BTBD9: variants seen among roughly 807,000 people sequenced by gnomAD.
The protein encoded by BTBD9 is BTB domain containing 9, also known as BTB/POZ domain-containing protein 9.
A neutral mutation model predicts 64.3 loss-of-function variants in BTBD9; 49 were observed. The observed-to-expected ratio is 0.76, with a 90% CI of 0.61 to 0.97. BTBD9 has a LOEUF of 0.97. BTBD9 is among the 50% of genes least tolerant of loss of function. The pLI is 0.00. For missense variants in BTBD9, 598 were observed against 762.1 expected (o/e 0.78, Z 2.53); for synonymous variants, 260 against 274.7 (o/e 0.95, Z 0.53).
rs567255543 is a variant in BTBD9 at position 38,424,548 on chromosome 6, G to A, written c.1155-79455C>T. On this transcript the variant is annotated intron_variant, in intron 6 of 10. Coordinates refer to ENST00000481247, the MANE Select transcript of BTBD9 (RefSeq NM_001099272.2). ...TTTATTCTTTTTGAGATGGAGTCTCGCTCTGTCGCCCAGGCTGGAGTGCAG... is the reference window on the plus strand; with the variant it reads ...TTTATTCTTTTTGAGATGGAGTCTCACTCTGTCGCCCAGGCTGGAGTGCAG... Among the ~76,000 whole-genome samples the A allele has an allele frequency of 3.9e-5, 6 of 151,984 alleles. No individual in the cohort carries two copies. The East Asian group carries it at 9.7e-4, about 24-fold the overall frequency.
chr6:38,180,157 G>A (rs1318473335), intron 10 of BTBD9, among the ~76,000 whole-genome samples: 1 of 152,178 alleles, frequency 6.6e-6, no homozygotes, highest in Non-Finnish European at 1.5e-5. Context: ...CTTCTCCTGG[G>A]ATCCCAGAAA....
At chr6:38,179,255 A>G in intron 10 of BTBD9, 1 of 344,322 alleles carries the variant, frequency 2.9e-6, no homozygotes, top group Non-Finnish European at 5.8e-6. Flanking sequence ...TTAAAAATCT[A>G]GATGACAACA....
intron 7 of BTBD9, among the ~76,000 whole-genome samples, chr6:38,288,841 T>G (rs1561977725): frequency 6.6e-6 from 1 of 151,596 alleles, no homozygotes; most frequent in Non-Finnish European, 1.5e-5. Context: ...GCAAGAGAAT[T>G]GCTTGAACCT....
At chr6:38,560,359 G>A (rs796969322) in intron 6 of BTBD9, among the ~76,000 whole-genome samples, 10 of 152,118 alleles carry the variant, frequency 6.6e-5, no homozygotes, top group African/African-American at 2.4e-4. Flanking sequence ...AAACCACAAT[G>A]CGATACCATC....
intron 6 of BTBD9, among the ~76,000 whole-genome samples, chr6:38,513,299 T>A (rs1471072929): frequency 1.3e-5 from 2 of 151,900 alleles, no homozygotes; most frequent in African/African-American, 4.8e-5. Flanking sequence ...TACAAAAAAA[T>A]TAGCCGGGCA....
chr6:38,457,458 A>G (rs1769872005), intron 6 of BTBD9, among the ~76,000 whole-genome samples: 1 of 152,184 alleles, frequency 6.6e-6, no homozygotes, highest in Non-Finnish European at 1.5e-5. Context: ...GACTCTCCAA[A>G]GGACTGAAAT....
Position 38,329,994 on chromosome 6 carries a change from AATAGGCAGTCTC to A in BTBD9, c.1264+14978_1264+14989del, listed in dbSNP as rs900577249. Among the ~76,000 whole-genome samples the A allele has an allele frequency of 3.0e-4, 46 of 152,248 alleles. No homozygotes were observed. In the South Asian group the frequency reaches 3.3e-3, roughly 11 times the overall value. ...CTTAGTATTACTGAGACTGGTAAGA[AATAGGCAGTCTC>A]ATATGCTGCCAAGACGTGGATGGTA... is the stretch of plus-strand genomic sequence containing the variant. On this transcript the variant is annotated intron_variant, in intron 7 of 10. Transcript: ENST00000481247.
intron 1 of BTBD9, among the ~76,000 whole-genome samples, chr6:38,620,276 T>C (rs1250376280): frequency 6.6e-6 from 1 of 152,240 alleles, no homozygotes; most frequent in East Asian, 1.9e-4. Flanking sequence ...ACCCAACTCC[T>C]ATACCCTGCT....
At chr6:38,629,648 C>A (rs1372189364) in intron 1 of BTBD9, among the ~76,000 whole-genome samples, 2 of 151,674 alleles carry the variant, frequency 1.3e-5, no homozygotes, top group African/African-American at 2.4e-5. Flanking sequence ...GTGGTGAAAC[C>A]CTGTCTCTAC....
intron 6 of BTBD9, among the ~76,000 whole-genome samples, chr6:38,378,542 A>C (rs539521757): frequency 3.4e-4 from 51 of 150,574 alleles, no homozygotes; most frequent in Admixed American, 3.3e-3. Flanking sequence ...GCCCTAAACG[A>C]AACACTTAAA....
chr6:38,514,321 CTTT>C (rs1334259904), intron 6 of BTBD9, among the ~76,000 whole-genome samples: 4 of 152,184 alleles, frequency 2.6e-5, no homozygotes, highest in South Asian at 4.1e-4. Context: ...GTCTATTCTT[CTTT>C]TAATTGTAAA....
At chr6:38,268,518 G>A (rs749895737) in intron 8 of BTBD9, among the ~76,000 whole-genome samples, 81 of 152,160 alleles carry the variant, frequency 5.3e-4, no homozygotes, top group Non-Finnish European at 1.0e-3. Flanking sequence ...GTTCCAGCAG[G>A]GATGAACGAC....
rs928409279 is a variant in BTBD9, at chr6:38,259,127, T to C, written c.1455-2611A>G. Among the ~76,000 whole-genome samples, 4 of 152,214 alleles carry C rather than the reference T, an allele frequency of 2.6e-5. No homozygotes were observed. In the South Asian group the frequency reaches 6.2e-4, roughly 24 times the overall value. ...TCATACAGTAACTAAGTGATGGAAA[T>C]GATACAAGGTTCTAACCTGGTACCT... On this transcript the variant is annotated intron_variant, in intron 8 of 10. Transcript: ENST00000481247.
At chr6:38,538,252 TA>T (rs1582597846) in intron 6 of BTBD9, among the ~76,000 whole-genome samples, 1 of 152,104 alleles carries the variant, frequency 6.6e-6, no homozygotes, top group Non-Finnish European at 1.5e-5. Context: ...TTTTTTAAGA[TA>T]AAAAAGTAAT....
At chr6:38,502,596 A>G (rs1772265997) in intron 6 of BTBD9, among the ~76,000 whole-genome samples, 1 of 152,220 alleles carries the variant, frequency 6.6e-6, no homozygotes, top group African/African-American at 2.4e-5. Flanking sequence ...CCCCAAGGCA[A>G]ATACACAAAT....
intron 1 of BTBD9, among the ~76,000 whole-genome samples, chr6:38,614,330 A>C (rs1777719658): frequency 6.6e-6 from 1 of 152,130 alleles, no homozygotes; most frequent in African/African-American, 2.4e-5. Context: ...GTAAGCTCCC[A>C]GAGGACAATA....
rs62396458 is a variant in BTBD9, at chr6:38,570,335, C to T, written c.1154+7265G>A. Among the ~76,000 whole-genome samples, 1,370 of 152,308 alleles carry T rather than the reference C, an allele frequency of 9.0e-3. 11 individuals carry two copies. Among genetic ancestry groups the T allele is most frequent in the Non-Finnish European group, 0.015 (998 of 68,018 alleles). On this transcript the variant is annotated intron_variant, in intron 6 of 10. Coordinates refer to ENST00000481247, the MANE Select transcript of BTBD9 (RefSeq NM_001099272.2). ...AGCTATTTCTTTACCTTGATTCTTG[C>T]ATCAGCAATGTAATGTGGAGTCAGG...
chr6:38,232,389 G>T (rs1416183457), intron 9 of BTBD9, among the ~76,000 whole-genome samples: 2 of 151,836 alleles, frequency 1.3e-5, no homozygotes, highest in Admixed American at 1.3e-4. Context: ...TCCTGCCTCA[G>T]CTTCCTGAGT....
intron 4 of BTBD9, among the ~76,000 whole-genome samples, chr6:38,582,516 G>C (rs1283567492): frequency 1.3e-5 from 2 of 152,174 alleles, no homozygotes; most frequent in Non-Finnish European, 2.9e-5. Context: ...AACCTAAGCA[G>C]TCTGCCTGCA....
Sources: gnomAD v4.1 joint callset for allele counts (sites outside exome capture counted in the v4.1 genomes callset) on GRCh38, gnomAD v4.1.1 for gene constraint, MANE v1.5 for transcripts, NCBI Gene and HGNC (gene_info 2026-07-23, HGNC 2026-07-21) for gene names.